CUBN: variants seen among roughly 807,000 people sequenced by gnomAD.
CUBN encodes the protein cubilin.
A neutral mutation model predicts 405.3 loss-of-function variants in CUBN; 282 were observed. That is an observed-to-expected ratio of 0.70 (90% CI 0.63 to 0.77). The LOEUF is 0.77. Among genes scored for constraint, CUBN ranks in the 30% least tolerant of loss-of-function variants. CUBN has a pLI of 0.00. For synonymous variants in CUBN, 1,684 were observed against 1,617.0 expected (o/e 1.04, Z -0.99); for missense variants, 4,514 against 4,475.2 (o/e 1.01, Z -0.25).
chr10:17,128,468 C>G (rs189839116), intron 2 of CUBN, among the ~76,000 whole-genome samples: 6 of 152,156 alleles, frequency 3.9e-5, no homozygotes, highest in African/African-American at 9.7e-5. Flanking sequence ...AATGAAAACA[C>G]CCAGTAAGGC....
intron 31 of CUBN, among the ~76,000 whole-genome samples, chr10:16,976,647 T>C (rs1212264014): frequency 6.6e-6 from 1 of 152,194 alleles, no homozygotes; most frequent in Non-Finnish European, 1.5e-5. Flanking sequence ...CTGTTCCATA[T>C]ATCTCTCTTT....
intron 59 of CUBN, among the ~76,000 whole-genome samples, chr10:16,859,290 C>T (rs1007577128): frequency 1.3e-5 from 2 of 151,944 alleles, no homozygotes; most frequent in African/African-American, 4.8e-5. Flanking sequence ...GAAAAATAAA[C>T]AATTCAATTA....
At chr10:17,050,799 G>T (rs777603251) in intron 22 of CUBN, among the ~76,000 whole-genome samples, 43 of 152,152 alleles carry the variant, frequency 2.8e-4, no homozygotes, top group African/African-American at 7.5e-4. Context: ...AGACCTGCAG[G>T]AATCATAGAA....
chr10:17,104,559 C>A lies in CUBN; in HGVS notation c.1277G>T (p.Gly426Val), dbSNP rs752890030. ...YFCKCDSGWT[G>V]VNCTENINEC... ...ATTGATGTTTTCTGTACAGTTGACA[C>A]CTGTCCAACCTGAGTCACACTTACA... Residue 426 changes from glycine to valine, a missense_variant, in exon 12 of 67, where the codon GGT becomes GTT. Physicochemically the swap from Gly to Val is moderately radical, Grantham distance 109 (BLOSUM62 -3). Transcript: ENST00000377833. The A allele has an allele frequency of 6.2e-6, 10 of 1,613,684 alleles. No homozygotes were observed. The highest frequency in any genetic ancestry group is 8.5e-6 in the Non-Finnish European group (10 of 1,179,966).
chr10:16,866,796 T>C (rs73592313), intron 59 of CUBN, among the ~76,000 whole-genome samples: 4,759 of 152,244 alleles, frequency 0.031, 228 homozygotes, highest in African/African-American at 0.11. Context: ...CCAAATGTGC[T>C]TTCTCCTTAC....
At position 16,831,281 on chromosome 10, in the gene CUBN, T is replaced by C. The variant is rs2131303873; in HGVS notation, c.10499A>G (p.Tyr3500Cys). 6.2e-7 allele frequency: 1 copy of C among 1,614,180 alleles called. No homozygotes were observed. The highest frequency in any genetic ancestry group is 8.5e-7 in the Non-Finnish European group (1 of 1,179,986). ...KSDSVTSDRG[Y>C]EIIWTSSPSG... ...GGGTGATGAAGTCCAGATGATTTCA[T>C]ATCCACGATCAGAAGTTACACTATC... Residue 3500 changes from tyrosine (Y) to cysteine (C), a missense_variant, in exon 65 of 67, where the codon TAT becomes TGT. Physicochemically the swap from Tyr to Cys is radical, Grantham distance 194 (BLOSUM62 -2). Around this residue, in one of 5 missense-constraint regions of CUBN, gnomAD observed 1,186 missense variants for 1,186.9 expected, o/e 1.00. Transcript: ENST00000377833.
intron 28 of CUBN, among the ~76,000 whole-genome samples, chr10:16,995,068 G>A (rs2131726680): frequency 6.6e-6 from 1 of 152,274 alleles, no homozygotes. Flanking sequence ...TCCAGCCTGG[G>A]CGACAGAGCA....
intron 17 of CUBN, among the ~76,000 whole-genome samples, chr10:17,083,526 T>TACATACATACATACAG: frequency 6.6e-6 from 1 of 151,942 alleles, no homozygotes; most frequent in East Asian, 1.9e-4. Context: ...AATACATACA[T>TACATACATACATACAG]ACATACATAC....
At chr10:16,826,995 T>C (rs1420652536) in intron 66 of CUBN, among the ~76,000 whole-genome samples, 3 of 152,220 alleles carry the variant, frequency 2.0e-5, no homozygotes, top group Admixed American at 2.0e-4. Flanking sequence ...CTTCTAAATC[T>C]GATGTGTGGC....
intron 13 of CUBN, among the ~76,000 whole-genome samples, chr10:17,102,183 A>G (rs1836507591): frequency 6.6e-6 from 1 of 152,208 alleles, no homozygotes; most frequent in East Asian, 1.9e-4. Context: ...ATTACAAGCT[A>G]AGAAGTGTTA....
chr10:17,032,537 C>G (rs1834807617), intron 27 of CUBN, among the ~76,000 whole-genome samples: 1 of 152,202 alleles, frequency 6.6e-6, no homozygotes, highest in Admixed American at 6.5e-5. Flanking sequence ...TACTGGACTA[C>G]TATGAGGACA....
intron 17 of CUBN, among the ~76,000 whole-genome samples, chr10:17,083,725 T>C (rs1836027750): frequency 6.6e-6 from 1 of 152,140 alleles, no homozygotes; most frequent in Middle Eastern, 3.2e-3. Context: ...CTTCTCTAGT[T>C]TATGTAAAAT....
chr10:17,129,691 AGCTTCGCCATTT>A lies in CUBN; in HGVS notation c.63_74del (p.Asn22_Ala25del). On this transcript the variant is annotated inframe_deletion, in exon 1 of 67. Coordinates refer to ENST00000377833, the MANE Select transcript of CUBN (RefSeq NM_001081.4). ...TTTGTCTCTGCAGCTCAAGTTCTCC[AGCTTCGCCATTT>A]ACTTCAGCAAATATTAATAAGGTAA... 3 of 1,614,160 alleles carry A rather than the reference AGCTTCGCCATTT, an allele frequency of 1.9e-6. No individual in the cohort carries two copies. The highest frequency in any genetic ancestry group is 2.5e-6 in the Non-Finnish European group (3 of 1,179,980).
At chr10:16,858,331 G>GT (rs910269836) in intron 59 of CUBN, among the ~76,000 whole-genome samples, 4 of 151,932 alleles carry the variant, frequency 2.6e-5, no homozygotes, top group Non-Finnish European at 2.9e-5. Flanking sequence ...ATTTATTTAC[G>GT]TTTTTTTAGG....
intron 59 of CUBN, among the ~76,000 whole-genome samples, chr10:16,868,654 T>C (rs1446275861): frequency 6.6e-6 from 1 of 152,240 alleles, no homozygotes; most frequent in South Asian, 2.1e-4. Flanking sequence ...TCTGAGTTAA[T>C]TTGATATGGG....
intron 51 of CUBN, 80 bp from the exon 52 acceptor site, chr10:16,901,539 A>C: frequency 1.3e-6 from 2 of 1,561,388 alleles, no homozygotes; most frequent in Non-Finnish European, 1.8e-6. Context: ...TAGTAATCAT[A>C]ACCATCAGAT....
chr10:16,870,833 C>A (rs1004987815), intron 58 of CUBN, among the ~76,000 whole-genome samples: 8 of 152,172 alleles, frequency 5.3e-5, no homozygotes, highest in African/African-American at 1.9e-4. Context: ...TAACTTTTCT[C>A]TGTCTTATAC....
intron 66 of CUBN, among the ~76,000 whole-genome samples, chr10:16,827,553 G>C (rs1157706096): frequency 1.3e-5 from 2 of 152,150 alleles, no homozygotes; most frequent in Non-Finnish European, 2.9e-5. Context: ...TTAAAGGGCA[G>C]AAAAATCAGA....
At chr10:17,045,876 G>C in intron 24 of CUBN, 58 bp downstream of exon 24, 1 of 1,567,534 alleles carries the variant, frequency 6.4e-7, no homozygotes, top group Non-Finnish European at 8.8e-7. Flanking sequence ...GACAATCCCA[G>C]AATCAAGAAA....
Sources: gnomAD v4.1 joint callset for allele counts (sites outside exome capture counted in the v4.1 genomes callset) on GRCh38, gnomAD v4.1.1 for gene constraint, gnomAD v4.1.1 regional missense constraint, MANE v1.5 for transcripts, NCBI Gene and HGNC (gene_info 2026-07-23, HGNC 2026-07-21) for gene names.